ZNF385B: variants seen among roughly 807,000 people sequenced by gnomAD.
ZNF385B encodes zinc finger protein 533.
A neutral mutation model predicts 39.2 loss-of-function variants in ZNF385B; 23 were observed. That is an observed-to-expected ratio of 0.59 (90% CI 0.42 to 0.83). The LOEUF is 0.83. Ranked by LOEUF, ZNF385B falls within the 40% of genes least tolerant of loss-of-function variation. The pLI, the probability that ZNF385B is intolerant of heterozygous loss-of-function variation, is 0.00. For synonymous variants in ZNF385B, 205 were observed against 222.6 expected, an observed-to-expected ratio of 0.92 and a Z score of 0.70; for missense variants, 552 against 598.9, an observed-to-expected ratio of 0.92 and a Z score of 0.82.
intron 6 of ZNF385B, among the ~76,000 whole-genome samples, chr2:179,454,223 G>A (rs759257865): frequency 6.6e-6 from 1 of 152,192 alleles, no homozygotes; most frequent in Non-Finnish European, 1.5e-5. Flanking sequence ...ATGATAGACT[G>A]CATATACAAT....
At chr2:179,761,056 T>A (rs1028265858) in intron 3 of ZNF385B, among the ~76,000 whole-genome samples, 2 of 152,162 alleles carry the variant, frequency 1.3e-5, no homozygotes, top group South Asian at 4.1e-4. Context: ...TGAGTATGTG[T>A]GTGTGGATCT....
intron 7 of ZNF385B, 148 bp from the exon 8 acceptor site, chr2:179,445,876 A>C: frequency 1.4e-6 from 1 of 707,812 alleles, no homozygotes. Flanking sequence ...TAAATTTAAC[A>C]CGTTATTGTA....
At chr2:179,748,652 G>A (rs1167955357) in intron 3 of ZNF385B, among the ~76,000 whole-genome samples, 2 of 152,078 alleles carry the variant, frequency 1.3e-5, no homozygotes, top group African/African-American at 4.8e-5. Context: ...GCCATCAAGA[G>A]CCAACTGTTT....
intron 3 of ZNF385B, among the ~76,000 whole-genome samples, chr2:179,666,761 A>G (rs1695213872): frequency 6.6e-6 from 1 of 152,138 alleles, no homozygotes; most frequent in South Asian, 2.1e-4. Context: ...TCTTGCTCTC[A>G]TGGAACTTAT....
chr2:179,847,075 G>A (rs769890223), intron 1 of ZNF385B, among the ~76,000 whole-genome samples: 4 of 152,188 alleles, frequency 2.6e-5, no homozygotes, highest in Admixed American at 6.5e-5. Context: ...GTTTAAAATC[G>A]CTGAAGAACA....
chr2:179,464,540 G>A lies in ZNF385B; in HGVS notation c.716-17770C>T, dbSNP rs1675990245. ...TGATTTTTGTATAAGGTGTAAGGAA[G>A]GGGTCCAGTTTCAGTTTTCTGCATA... is the stretch of plus-strand genomic sequence containing the variant. On this transcript the variant is annotated intron_variant, in intron 6 of 9. Transcript: ENST00000410066. Among the ~76,000 whole-genome samples the A allele has an allele frequency of 1.3e-5, 2 of 152,132 alleles. 1 individual carries two copies.
chr2:179,846,914 T>C (rs969340233), intron 1 of ZNF385B, among the ~76,000 whole-genome samples: 2 of 152,216 alleles, frequency 1.3e-5, no homozygotes, highest in Non-Finnish European at 2.9e-5. Context: ...TTTGAGCACA[T>C]TATAGCATGT....
At chr2:179,754,813 C>T (rs1702905271) in intron 3 of ZNF385B, among the ~76,000 whole-genome samples, 1 of 151,756 alleles carries the variant, frequency 6.6e-6, no homozygotes, top group Admixed American at 6.6e-5. Context: ...CTATTTGATT[C>T]TTCTCTCTTT....
chr2:179,730,899 C>T (rs1252423448), intron 3 of ZNF385B, among the ~76,000 whole-genome samples: 2 of 152,140 alleles, frequency 1.3e-5, no homozygotes, highest in Non-Finnish European at 2.9e-5. Context: ...TCCACAATGA[C>T]CAGCATATTC....
At chr2:179,814,266 C>T in intron 1 of ZNF385B, 1 of 237,254 alleles carries the variant, frequency 4.2e-6, no homozygotes, top group Non-Finnish European at 8.6e-6. Flanking sequence ...ACACATGCTC[C>T]TGCACCTCCA....
chr2:179,851,111 T>C (rs1684107603), intron 1 of ZNF385B, among the ~76,000 whole-genome samples: 1 of 152,144 alleles, frequency 6.6e-6, no homozygotes, highest in South Asian at 2.1e-4. Context: ...AATCACCCCC[T>C]TCACCAATCT....
At chr2:179,472,871 C>T (rs1046831746) in intron 6 of ZNF385B, among the ~76,000 whole-genome samples, 12 of 152,050 alleles carry the variant, frequency 7.9e-5, no homozygotes, top group Non-Finnish European at 1.5e-4. Flanking sequence ...TGTGTTAGAT[C>T]GTTCTTTCAA....
intron 3 of ZNF385B, among the ~76,000 whole-genome samples, chr2:179,762,373 G>A (rs1282130916): frequency 6.6e-6 from 1 of 151,986 alleles, no homozygotes; most frequent in Non-Finnish European, 1.5e-5. Flanking sequence ...AATATTTTTA[G>A]TAGAGACGGG....
intron 3 of ZNF385B, among the ~76,000 whole-genome samples, chr2:179,545,805 A>G (rs144183205): frequency 2.0e-5 from 3 of 152,290 alleles, no homozygotes; most frequent in South Asian, 2.1e-4. Context: ...GGCACACAAG[A>G]TATTTTCATA....
At chr2:179,512,356 T>G (rs1244573277) in intron 5 of ZNF385B, among the ~76,000 whole-genome samples, 1 of 152,210 alleles carries the variant, frequency 6.6e-6, no homozygotes, top group Non-Finnish European at 1.5e-5. Flanking sequence ...GTATAAAGAT[T>G]TGATTTTGTG....
intron 1 of ZNF385B, among the ~76,000 whole-genome samples, chr2:179,853,590 C>T (rs1424518863): frequency 1.3e-5 from 2 of 152,166 alleles, no homozygotes; most frequent in Non-Finnish European, 2.9e-5. Flanking sequence ...TAGTAAGTTT[C>T]AAACTGAAGG....
rs200084527 is a variant in ZNF385B at position 179,825,352 on chromosome 2, G to GTGATATCAAAAATTT, written c.-155+35748_-155+35749insAAATTTTTGATATCA. Reference sequence around the variant, plus strand: ...TTTTGTTTTGTTTTTCAATTTTTGAGTGACAGATATCAAAATAAATTTTAA... The same window carrying GTGATATCAAAAATTT: ...TTTTGTTTTGTTTTTCAATTTTTGAGTGATATCAAAAATTTTGACAGATATCAAAATAAATTTTAA... On this transcript the variant is annotated intron_variant, in intron 1 of 9. Coordinates refer to ENST00000410066, the MANE Select transcript of ZNF385B (RefSeq NM_152520.6). Among the ~76,000 whole-genome samples, 329 of 152,176 alleles carry GTGATATCAAAAATTT rather than the reference G, an allele frequency of 2.2e-3. 2 individuals are homozygous for GTGATATCAAAAATTT. The highest frequency in any genetic ancestry group is 7.1e-3 in the African/African-American group (293 of 41,536).
At chr2:179,712,884 A>AATC (rs756916792) in intron 3 of ZNF385B, among the ~76,000 whole-genome samples, 6 of 152,314 alleles carry the variant, frequency 3.9e-5, no homozygotes, top group African/African-American at 4.8e-5. Flanking sequence ...TGTAAAAGTG[A>AATC]ATCACGTTCA....
At chr2:179,750,655 G>A (rs1300044940) in intron 3 of ZNF385B, among the ~76,000 whole-genome samples, 1 of 151,954 alleles carries the variant, frequency 6.6e-6, no homozygotes, top group Admixed American at 6.6e-5. Context: ...AAGTCATATG[G>A]GCTCTATCCA....
Sources: allele counts gnomAD v4.1 joint callset (sites outside exome capture counted in the v4.1 genomes callset), GRCh38; gene constraint gnomAD v4.1.1; transcripts MANE v1.5; gene names NCBI Gene and HGNC (gene_info 2026-07-23, HGNC 2026-07-21).